Variants in HECW1 observed in about 807,000 individuals in gnomAD.
HECW1 encodes the protein E3 ubiquitin-protein ligase HECW1.
In HECW1, 61 loss-of-function variants were observed where a neutral mutation model predicts 182.3. That is an observed-to-expected ratio of 0.33 (90% CI 0.27 to 0.41). HECW1 has a LOEUF of 0.41. Among genes scored for constraint, HECW1 ranks in the 10% least tolerant of loss-of-function variants. HECW1 has a pLI of 1.00. For synonymous variants in HECW1, 859 were observed against 832.6 expected, an observed-to-expected ratio of 1.03 and a Z score of -0.55; for missense variants, 1,739 against 2,108.9, an observed-to-expected ratio of 0.82 and a Z score of 3.44.
intron 5 of HECW1, among the ~76,000 whole-genome samples, chr7:43,336,386 C>T (rs538601401): frequency 1.3e-5 from 2 of 152,042 alleles, no homozygotes; most frequent in Admixed American, 6.6e-5. Flanking sequence ...CCAGACTAGT[C>T]TCCAATTCCT....
intron 2 of HECW1, among the ~76,000 whole-genome samples, chr7:43,143,834 A>C (rs1228356513): frequency 1.3e-5 from 2 of 152,210 alleles, no homozygotes; most frequent in Non-Finnish European, 2.9e-5. Flanking sequence ...ACATTGATTA[A>C]GTTAGAAATT....
At chr7:43,349,330 G>A (rs1438435842) in intron 5 of HECW1, among the ~76,000 whole-genome samples, 4 of 152,106 alleles carry the variant, frequency 2.6e-5, no homozygotes, top group Non-Finnish European at 4.4e-5. Context: ...CACTGCACCC[G>A]GCCTGTTGGA....
chr7:43,431,133 C>T (rs2076536550), intron 8 of HECW1, among the ~76,000 whole-genome samples: 1 of 152,174 alleles, frequency 6.6e-6, no homozygotes, highest in Non-Finnish European at 1.5e-5. Flanking sequence ...TCAAGGTCTA[C>T]ATGAATGACT....
At chr7:43,151,611 G>A (rs914909353) in intron 2 of HECW1, among the ~76,000 whole-genome samples, 1 of 152,180 alleles carries the variant, frequency 6.6e-6, no homozygotes, top group Non-Finnish European at 1.5e-5. Context: ...ATTGCTGAAG[G>A]AGCCCCACTG....
At chr7:43,541,816 G>T in intron 25 of HECW1, 53 bp from the exon 26 acceptor site, 1 of 1,388,914 alleles carries the variant, frequency 7.2e-7, no homozygotes, top group East Asian at 2.6e-5. Context: ...TTTGAAGTGA[G>T]GTCTGGGCAG....
rs1305291982 is a variant in HECW1 at position 43,562,484 on chromosome 7, T to A, written c.*558T>A. On this transcript the variant is annotated 3_prime_UTR_variant, in exon 30 of 30. Coordinates refer to ENST00000395891, the MANE Select transcript of HECW1 (RefSeq NM_015052.5). ...AACAGTGGCAAAGCTGAAATTTTTATACATTCAACTCATGATTCACATGTG... is the reference window on the plus strand; with the variant it reads ...AACAGTGGCAAAGCTGAAATTTTTAAACATTCAACTCATGATTCACATGTG... The A allele has an allele frequency of 1.3e-5, 3 of 228,020 alleles. No homozygotes were observed. Among genetic ancestry groups the A allele is most frequent in the African/African-American group, 6.7e-5 (3 of 45,020 alleles). 14.1% of individuals were successfully genotyped at this position (228,020 alleles called of 1,614,324 possible).
chr7:43,550,344 T>C, intron 26 of HECW1, 101 bp from the exon 27 acceptor site: 1 of 1,267,350 alleles, frequency 7.9e-7, no homozygotes, highest in South Asian at 1.3e-5. Context: ...TAATGCCCTG[T>C]AGAGGATTTT....
chr7:43,450,790 G>T (rs1167722451), intron 11 of HECW1, 38 bp from the exon 12 acceptor site: 1 of 1,300,070 alleles, frequency 7.7e-7, no homozygotes, highest in Admixed American at 1.7e-5. Context: ...TGCCACGGCA[G>T]TGAATGAATC....
intron 4 of HECW1, among the ~76,000 whole-genome samples, chr7:43,313,451 C>T (rs1235461574): frequency 6.6e-6 from 1 of 151,828 alleles, no homozygotes; most frequent in Non-Finnish European, 1.5e-5. Flanking sequence ...GATTCTCCTG[C>T]CTCAGCCTCC....
chr7:43,213,819 A>T (rs1310693068), intron 2 of HECW1, among the ~76,000 whole-genome samples: 2 of 152,164 alleles, frequency 1.3e-5, no homozygotes, highest in Non-Finnish European at 2.9e-5. Context: ...TAATTAATAA[A>T]AGACTTTACA....
At chr7:43,395,337 G>A (rs1338849498) in intron 6 of HECW1, among the ~76,000 whole-genome samples, 1 of 152,176 alleles carries the variant, frequency 6.6e-6, no homozygotes, top group Admixed American at 6.5e-5. Flanking sequence ...AATGAACAAG[G>A]ACAGCTTGGA....
intron 1 of HECW1, chr7:43,113,704 T>C (rs1382680432): frequency 2.4e-5 from 5 of 209,194 alleles, no homozygotes; most frequent in Non-Finnish European, 4.9e-5. Context: ...CATTTTTGGC[T>C]GGAGGTGCGC....
Position 43,564,877 on chromosome 7 carries a change from C to G in HECW1, c.*2951C>G, listed in dbSNP as rs1217023123. The stretch of plus-strand genomic sequence containing the variant: ...GAAAGACAGATCTATTTGTTACCAC[C>G]TGTAATTTTTTTTTAAGCATGAGTT... On this transcript the variant is annotated 3_prime_UTR_variant, in exon 30 of 30. Coordinates refer to ENST00000395891, the MANE Select transcript of HECW1 (RefSeq NM_015052.5). 5.6e-6 allele frequency: 1 copy of G among 179,922 alleles called. No individual in the cohort carries two copies. The highest frequency in any genetic ancestry group is 1.1e-5 in the Non-Finnish European group (1 of 87,198). 11.1% of individuals were successfully genotyped at this position (179,922 alleles called of 1,614,324 possible). A position where few individuals can be genotyped will look rare whatever the true frequency, so the allele number is the denominator to read the frequency against.
At chr7:43,384,166 G>A (rs2074675201) in intron 6 of HECW1, among the ~76,000 whole-genome samples, 1 of 152,212 alleles carries the variant, frequency 6.6e-6, no homozygotes, top group Admixed American at 6.5e-5. Context: ...AACCCATGTT[G>A]TTCAAGAGTC....
intron 8 of HECW1, among the ~76,000 whole-genome samples, chr7:43,408,489 C>G (rs2075685624): frequency 6.6e-6 from 1 of 151,404 alleles, no homozygotes; most frequent in Non-Finnish European, 1.5e-5. Context: ...TCAAGACCAG[C>G]CTGGGCAATA....
At chr7:43,338,949 A>G (rs908020179) in intron 5 of HECW1, among the ~76,000 whole-genome samples, 3 of 152,154 alleles carry the variant, frequency 2.0e-5, no homozygotes, top group Non-Finnish European at 4.4e-5. Context: ...GTAATTTCAC[A>G]ATATATATAG....
chr7:43,291,812 G>T (rs1301969870), intron 3 of HECW1, among the ~76,000 whole-genome samples: 4 of 152,220 alleles, frequency 2.6e-5, no homozygotes, highest in Admixed American at 2.6e-4. Flanking sequence ...TCAGAGAAAT[G>T]GGTAAATCTC....
At chr7:43,345,815 CACACACACACACATCATATATATAT>C (rs1278111137) in intron 5 of HECW1, among the ~76,000 whole-genome samples, 1 of 151,300 alleles carries the variant, frequency 6.6e-6, no homozygotes, top group Non-Finnish European at 1.5e-5. Context: ...CACACACACA[CACACACACACACATCATATATATAT>C]ACACACACAT....
chr7:43,140,828 G>A (rs1358916903), intron 2 of HECW1, among the ~76,000 whole-genome samples: 1 of 152,160 alleles, frequency 6.6e-6, no homozygotes, highest in Non-Finnish European at 1.5e-5. Flanking sequence ...TTCCTGGTGA[G>A]GGCTTGCTTT....
Sources: allele counts gnomAD v4.1 joint callset (sites outside exome capture counted in the v4.1 genomes callset), GRCh38; gene constraint gnomAD v4.1.1; transcripts MANE v1.5; gene names NCBI Gene and HGNC (gene_info 2026-07-23, HGNC 2026-07-21).